Variants in MACC1 observed in about 807,000 individuals in gnomAD.
The protein encoded by MACC1 is MET transcriptional regulator MACC1, also known as metastasis-associated in colon cancer protein 1.
MACC1 carries 79 observed loss-of-function variants against 70.7 expected under a neutral mutation model. The observed-to-expected ratio is 1.12, with a 90% CI of 0.93 to 1.35. MACC1 has a LOEUF of 1.35. Among genes scored for constraint, MACC1 ranks in the 40% most tolerant of loss-of-function variants. The pLI is 0.00. For missense variants in MACC1, 1,106 were observed against 978.1 expected (o/e 1.13, Z -1.74); for synonymous variants, 361 against 347.2 (o/e 1.04, Z -0.44).
chr7:20,173,558 G>A (rs1481734141), intron 1 of MACC1, among the ~76,000 whole-genome samples: 13 of 152,212 alleles, frequency 8.5e-5, no homozygotes, highest in Admixed American at 8.5e-4. Context: ...TGTAAAGGTT[G>A]CCTTTGGCAT....
intron 3 of MACC1, among the ~76,000 whole-genome samples, chr7:20,164,050 C>T (rs1056035535): frequency 6.6e-6 from 1 of 152,152 alleles, no homozygotes; most frequent in Non-Finnish European, 1.5e-5. Flanking sequence ...GATTCTCATG[C>T]CTGAGCCTCC....
rs1782093850 is a variant in MACC1 at position 20,158,809 on chromosome 7, G to T, written c.1552C>A (p.Pro518Thr). Residue 518 changes from proline to threonine, a missense_variant, in exon 5 of 7, where the codon CCA becomes ACA. Coordinates refer to ENST00000400331, the MANE Select transcript of MACC1 (RefSeq NM_182762.4). ...TCCTCCTTCTTCTGCAAATAGCCTGGCAGATTCGAGAGTCTTTTTAGGTTT... is the reference window on the plus strand; with the variant it reads ...TCCTCCTTCTTCTGCAAATAGCCTGTCAGATTCGAGAGTCTTTTTAGGTTT... The part of the protein sequence containing the change: ...TPNLKRLSNL[P>T]GYLQKKEEIK... 1 of 1,613,984 alleles carries T rather than the reference G, an allele frequency of 6.2e-7. No individual in the cohort carries two copies. Among genetic ancestry groups the T allele is most frequent in the Non-Finnish European group, 8.5e-7 (1 of 1,180,024 alleles).
intron 1 of MACC1, among the ~76,000 whole-genome samples, chr7:20,198,039 G>T (rs1411257180): frequency 1.3e-5 from 2 of 151,122 alleles, no homozygotes; most frequent in Non-Finnish European, 2.9e-5. Context: ...AACAGCAAAG[G>T]CCTGGGGGCA....
At chr7:20,164,597 A>G (rs2128103538) in intron 2 of MACC1, among the ~76,000 whole-genome samples, 198 bp from the exon 3 acceptor site, 1 of 152,286 alleles carries the variant, frequency 6.6e-6, no homozygotes, top group African/African-American at 2.4e-5. Context: ...GGGAAACTAC[A>G]TCGAAAAAAT....
chr7:20,204,011 A>G (rs983564574), intron 1 of MACC1, among the ~76,000 whole-genome samples: 4 of 152,238 alleles, frequency 2.6e-5, no homozygotes, highest in African/African-American at 9.6e-5. Context: ...TAGAAGTTAC[A>G]TGTATGTACA....
At chr7:20,178,884 G>A (rs553704254) in intron 1 of MACC1, among the ~76,000 whole-genome samples, 1 of 152,290 alleles carries the variant, frequency 6.6e-6, no homozygotes, top group East Asian at 1.9e-4. Flanking sequence ...ACAGATGTGA[G>A]CCATCATGCC....
At chr7:20,180,421 G>A (rs1241203910) in intron 1 of MACC1, among the ~76,000 whole-genome samples, 19 of 142,622 alleles carry the variant, frequency 1.3e-4, no homozygotes, top group Admixed American at 1.0e-3. Flanking sequence ...TCAGCCTTGC[G>A]ACAAAGCAAG....
chr7:20,143,456 T>G (rs1008737106), intron 6 of MACC1, among the ~76,000 whole-genome samples: 1 of 152,156 alleles, frequency 6.6e-6, no homozygotes, highest in Non-Finnish European at 1.5e-5. Flanking sequence ...TGGTGTGATT[T>G]CAGCTCACTG....
At chr7:20,176,462 C>T (rs1472468149) in intron 1 of MACC1, among the ~76,000 whole-genome samples, 2 of 152,100 alleles carry the variant, frequency 1.3e-5, no homozygotes, top group African/African-American at 4.8e-5. Flanking sequence ...CATCATGTTT[C>T]TCAGTTCTCT....
At chr7:20,202,863 C>G (rs1782853070) in intron 1 of MACC1, among the ~76,000 whole-genome samples, 1 of 152,122 alleles carries the variant, frequency 6.6e-6, no homozygotes, top group African/African-American at 2.4e-5. Flanking sequence ...TCAGTTATTC[C>G]TAGTCTAAAT....
intron 1 of MACC1, among the ~76,000 whole-genome samples, chr7:20,212,546 G>A (rs1446981101): frequency 6.6e-6 from 1 of 152,130 alleles, no homozygotes; most frequent in African/African-American, 2.4e-5. Context: ...ACTTGAGTGG[G>A]GCAGGAGGAA....
Position 20,200,054 on chromosome 7 carries a change from T to G in MACC1, c.-218+17245A>C, listed in dbSNP as rs187823014. ...GTGTGTGTGTGTGTGTACATATGTA[T>G]GTATATATACATACATATATATGTA... On this transcript the variant is annotated intron_variant, in intron 1 of 6. Coordinates refer to ENST00000400331, the MANE Select transcript of MACC1 (RefSeq NM_182762.4). 7.0e-3 allele frequency among the ~76,000 whole-genome samples: 1,057 copies of G among 150,118 alleles called. 27 individuals carry two copies. The highest frequency in any genetic ancestry group is 0.038 in the Admixed American group (575 of 15,080).
At chr7:20,161,045 A>T (rs1400892460) in intron 4 of MACC1, among the ~76,000 whole-genome samples, 1 of 152,072 alleles carries the variant, frequency 6.6e-6, no homozygotes, top group Admixed American at 6.5e-5. Context: ...AAATATTTAC[A>T]TTTCTATTAT....
At chr7:20,173,042 T>C (rs1301957439) in intron 1 of MACC1, among the ~76,000 whole-genome samples, 1 of 152,140 alleles carries the variant, frequency 6.6e-6, no homozygotes, top group African/African-American at 2.4e-5. Flanking sequence ...AAAATTGGGG[T>C]TCTCAACCAT....
intron 6 of MACC1, among the ~76,000 whole-genome samples, chr7:20,151,208 C>T (rs1031145980): frequency 2.6e-5 from 4 of 152,096 alleles, no homozygotes; most frequent in African/African-American, 9.7e-5. Context: ...TGGTAACCAT[C>T]CCTAGAAGGC....
chr7:20,169,105 C>A (rs1451091382), intron 2 of MACC1, among the ~76,000 whole-genome samples: 1 of 152,158 alleles, frequency 6.6e-6, no homozygotes, highest in African/African-American at 2.4e-5. Context: ...ACTTTCAAGG[C>A]CACAGAGCAA....
chr7:20,171,315 T>C (rs1259037171), intron 1 of MACC1, among the ~76,000 whole-genome samples: 2 of 150,146 alleles, frequency 1.3e-5, no homozygotes, highest in Non-Finnish European at 3.0e-5. Context: ...GCAGTGGCGC[T>C]ATCTTGGCTC....
intron 3 of MACC1, among the ~76,000 whole-genome samples, chr7:20,162,444 A>G (rs1782152447): frequency 6.6e-6 from 1 of 152,174 alleles, no homozygotes. Context: ...TTCTTAAGCT[A>G]TTTTAATATT....
intron 1 of MACC1, among the ~76,000 whole-genome samples, chr7:20,175,504 A>G (rs1198609688): frequency 6.6e-6 from 1 of 152,150 alleles, no homozygotes; most frequent in African/African-American, 2.4e-5. Flanking sequence ...CATCTAATAT[A>G]TATAACTCTT....
Sources: allele counts gnomAD v4.1 joint callset (sites outside exome capture counted in the v4.1 genomes callset), GRCh38; gene constraint gnomAD v4.1.1; transcripts MANE v1.5; gene names NCBI Gene and HGNC (gene_info 2026-07-23, HGNC 2026-07-21).